Variants in WDR72 observed in about 807,000 individuals in gnomAD.
WDR72 encodes the protein WD repeat-containing protein 72.
In WDR72, 120 loss-of-function variants were observed where a neutral mutation model predicts 124.2. The observed-to-expected ratio is 0.97, with a 90% confidence interval of 0.83 to 1.12. The LOEUF is 1.12. WDR72 is among the 50% of genes most tolerant of loss of function. The probability of loss-of-function intolerance (pLI) is 0.00; values close to 1 mark genes in which losing one functional copy is unlikely to be tolerated. For synonymous variants in WDR72, 452 were observed against 441.7 expected (o/e 1.02, Z -0.29); for missense variants, 1,387 against 1,278.8 (o/e 1.08, Z -1.29).
rs926355352 is a variant in WDR72 at position 53,648,799 on chromosome 15, G to C, written c.1962+16773C>G. Among the ~76,000 whole-genome samples, 14 of 152,062 alleles carry C rather than the reference G, an allele frequency of 9.2e-5. No homozygotes were observed. In the East Asian group the frequency reaches 2.7e-3, roughly 29 times the overall value. On this transcript the variant is annotated intron_variant, in intron 14 of 19. Coordinates refer to ENST00000360509, the MANE Select transcript of WDR72 (RefSeq NM_182758.4). The stretch of plus-strand genomic sequence containing the variant: ...ATTTATGAAATGTCTCAGAACATGA[G>C]TTCTTTCAAACAACCATACCACAAT...
At chr15:53,608,474 G>A in intron 17 of WDR72, among the ~76,000 whole-genome samples, 1 of 79,328 alleles carries the variant, frequency 1.3e-5, no homozygotes, top group East Asian at 2.9e-4. Context: ...ATCAAAACAG[G>A]TCAGGTGAGA....
chr15:53,541,113 G>A (rs182719965), intron 18 of WDR72: 1,846 of 155,208 alleles, frequency 0.012, 28 homozygotes, highest in African/African-American at 0.04. Flanking sequence ...CAAAGCAGCC[G>A]GGAAGCTAGA....
chr15:53,611,108 C>T (rs1370683073), intron 16 of WDR72, among the ~76,000 whole-genome samples: 1 of 152,064 alleles, frequency 6.6e-6, no homozygotes, highest in African/African-American at 2.4e-5. Context: ...CAGTCAATTC[C>T]TGCTGACAGA....
intron 12 of WDR72, among the ~76,000 whole-genome samples, chr15:53,700,872 C>T (rs1276467427): frequency 6.6e-6 from 1 of 152,170 alleles, no homozygotes; most frequent in Non-Finnish European, 1.5e-5. Context: ...CCTGGAGAAC[C>T]TGCCCATCCC....
chr15:53,651,806 C>A (rs1431759423), intron 14 of WDR72, among the ~76,000 whole-genome samples: 1 of 152,018 alleles, frequency 6.6e-6, no homozygotes, highest in Non-Finnish European at 1.5e-5. Flanking sequence ...GTGCGCGACA[C>A]CATGCCGGCT....
chr15:53,529,431 T>C (rs893357827), intron 18 of WDR72, among the ~76,000 whole-genome samples: 2 of 151,874 alleles, frequency 1.3e-5, no homozygotes, highest in Non-Finnish European at 2.9e-5. Context: ...GACTCAAATA[T>C]TCTGCCAGCT....
Position 53,699,942 on chromosome 15 carries a change from T to C in WDR72, c.1573A>G (p.Arg525Gly), listed in dbSNP as rs749162614. 3.7e-6 allele frequency: 6 copies of C among 1,614,036 alleles called. No homozygotes were observed. The South Asian group carries it at 4.4e-5, about 12-fold the overall frequency. Residue 525 changes from arginine to glycine, a missense_variant, in exon 13 of 20, where the codon AGG (arginine) becomes GGG (glycine). Coordinates refer to ENST00000360509, the MANE Select transcript of WDR72 (RefSeq NM_182758.4). ...LLMSPEKFKL[R>G]GEQIICCVCG... ...ACACAGCAAATTATCTGCTCACCCC[T>C]TAGCTGTGAAAAAACAACATGCTTA...
In WDR72 at chr15:53,723,419, T is replaced by C. The variant is rs370188343; in HGVS notation, c.154-511A>G. On this transcript the variant is annotated intron_variant, in intron 2 of 19. Coordinates refer to ENST00000360509, the MANE Select transcript of WDR72 (RefSeq NM_182758.4). ...TAAAAATAAAAATAGAACTTACACATGGTTCAGGATTCCCACTTCTAGGTA... is the reference window on the plus strand; with the variant it reads ...TAAAAATAAAAATAGAACTTACACACGGTTCAGGATTCCCACTTCTAGGTA... Among the ~76,000 whole-genome samples the C allele has an allele frequency of 5.6e-4, 86 of 152,276 alleles. 1 individual carries two copies. The Middle Eastern group carries it at 0.01, about 18-fold the overall frequency.
At chr15:53,694,304 C>A (rs1231504853) in intron 13 of WDR72, among the ~76,000 whole-genome samples, 13 of 152,158 alleles carry the variant, frequency 8.5e-5, no homozygotes, top group Admixed American at 7.9e-4. Context: ...GAAAGACAGC[C>A]CTGAGCAGTG....
chr15:53,705,714 C>T (rs1294862923), intron 10 of WDR72, among the ~76,000 whole-genome samples: 1 of 152,190 alleles, frequency 6.6e-6, no homozygotes, highest in Non-Finnish European at 1.5e-5. Flanking sequence ...CCACCCACCT[C>T]AGCTTCCCAA....
intron 18 of WDR72, among the ~76,000 whole-genome samples, chr15:53,582,360 G>A (rs181215261): frequency 6.6e-6 from 1 of 152,002 alleles, no homozygotes; most frequent in East Asian, 1.9e-4. Context: ...TTCCAGGGCT[G>A]TACTGCTTTC....
At chr15:53,703,623 T>C (rs1184231501) in intron 11 of WDR72, among the ~76,000 whole-genome samples, 1 of 152,020 alleles carries the variant, frequency 6.6e-6, no homozygotes, top group Non-Finnish European at 1.5e-5. Context: ...GGTAGGCATA[T>C]GGGCATTTCA....
At chr15:53,755,871 G>T (rs974243921) in intron 1 of WDR72, among the ~76,000 whole-genome samples, 2 of 152,290 alleles carry the variant, frequency 1.3e-5, no homozygotes, top group East Asian at 3.9e-4. Flanking sequence ...CTAAAAAAGT[G>T]GGGGGCATAG....
Position 53,609,522 on chromosome 15 carries a change from C to G in WDR72, c.2943G>C (p.Gln981His), listed in dbSNP as rs368814157. The G allele has an allele frequency of 2.7e-5, 43 of 1,613,242 alleles. No individual in the cohort carries two copies. The African/African-American group carries it at 5.3e-4, about 20-fold the overall frequency. The change falls in exon 17 of 20, where the codon CAG becomes CAC. Residue 981 changes from glutamine to histidine, a missense_variant. By Grantham distance (24) the Gln-to-His change is conservative. Transcript: ENST00000360509. ...LLKLISCWRD[Q>H]SVQVTEAIQA... ...GTGAATTATATCATACCTGCACAGACTGGTCTCTCCAACAGGAAATTAGCT... is the reference window on the plus strand; with the variant it reads ...GTGAATTATATCATACCTGCACAGAGTGGTCTCTCCAACAGGAAATTAGCT...
intron 18 of WDR72, among the ~76,000 whole-genome samples, chr15:53,529,325 T>C (rs941915792): frequency 1.3e-5 from 2 of 151,854 alleles, no homozygotes; most frequent in Admixed American, 1.3e-4. Context: ...TAGTGTAACC[T>C]TGGGCATGCC....
chr15:53,558,379 G>T (rs553183042), intron 18 of WDR72, among the ~76,000 whole-genome samples: 1 of 152,100 alleles, frequency 6.6e-6, no homozygotes, highest in Admixed American at 6.6e-5. Context: ...TGTGGTATAA[G>T]AAAGTAGCCC....
chr15:53,518,309 C>T (rs981139598), intron 19 of WDR72, among the ~76,000 whole-genome samples: 1 of 151,970 alleles, frequency 6.6e-6, no homozygotes, highest in African/African-American at 2.4e-5. Flanking sequence ...GAACATTGTT[C>T]CTTAATAACT....
At chr15:53,731,031 T>C (rs2018186317) in intron 2 of WDR72, among the ~76,000 whole-genome samples, 1 of 152,118 alleles carries the variant, frequency 6.6e-6, no homozygotes, top group Non-Finnish European at 1.5e-5. Context: ...TTCAGGAAAA[T>C]CTTTACATGG....
At chr15:53,660,493 G>GT (rs1049020015) in intron 14 of WDR72, among the ~76,000 whole-genome samples, 1 of 151,954 alleles carries the variant, frequency 6.6e-6, no homozygotes, top group Admixed American at 6.6e-5. Context: ...TACACCAGCT[G>GT]TTTTTTACAA....
Sources: gnomAD v4.1 joint callset for allele counts (sites outside exome capture counted in the v4.1 genomes callset) on GRCh38, gnomAD v4.1.1 for gene constraint, MANE v1.5 for transcripts, NCBI Gene and HGNC (gene_info 2026-07-23, HGNC 2026-07-21) for gene names.